SAMD4A: variants seen among roughly 807,000 people sequenced by gnomAD.
SAMD4A encodes the protein protein Smaug homolog 1.
Under a neutral mutation model 81.3 loss-of-function variants are expected in SAMD4A, and 33 were observed. That is an observed-to-expected ratio of 0.41 (90% CI 0.31 to 0.54). The LOEUF (loss-of-function observed/expected upper bound fraction) is 0.54, where lower values mean the gene tolerates loss of function less well. Among genes scored for constraint, SAMD4A ranks in the 20% least tolerant of loss-of-function variants. The pLI is 0.37. For synonymous variants in SAMD4A, 389 were observed against 382.1 expected (o/e 1.02, Z -0.21); for missense variants, 854 against 951.1 (o/e 0.90, Z 1.34).
intron 2 of SAMD4A, among the ~76,000 whole-genome samples, chr14:54,673,017 G>A (rs1195370628): frequency 6.6e-6 from 1 of 152,212 alleles, no homozygotes; most frequent in Non-Finnish European, 1.5e-5. Flanking sequence ...ACCCTTTCTC[G>A]AAGGTTACCT....
At chr14:54,602,126 A>G (rs970725713) in intron 2 of SAMD4A, among the ~76,000 whole-genome samples, 1 of 152,142 alleles carries the variant, frequency 6.6e-6, no homozygotes, top group Non-Finnish European at 1.5e-5. Context: ...TAGAAGAGGA[A>G]TGTGGGACTG....
rs3051648 is a variant in SAMD4A at position 54,739,055 on chromosome 14, C to CTTTTTTTTTTTTTTTTTTTTTT, written c.979+1787_979+1788insTTTTTTTTTTTTTTTTTTTTTT. Among the ~76,000 whole-genome samples the CTTTTTTTTTTTTTTTTTTTTTT allele has an allele frequency of 1.1e-4, 11 of 97,352 alleles. 1 individual carries two copies. The highest frequency in any genetic ancestry group is 4.8e-4 in the African/African-American group (10 of 20,660). The allele number at this position is 97,352 out of a possible 152,430, so 63.9% of individuals were successfully genotyped here. ...TACTTTGTTTTCTTTCTTTCCTTTT[C>CTTTTTTTTTTTTTTTTTTTTTT]TTTTTTTTTTTTTTTTTTTGAGGCC... is the stretch of plus-strand genomic sequence containing the variant. On this transcript the variant is annotated intron_variant, in intron 4 of 12. Coordinates refer to ENST00000554335, the MANE Select transcript of SAMD4A (RefSeq NM_015589.6).
intron 2 of SAMD4A, among the ~76,000 whole-genome samples, chr14:54,640,083 A>G (rs1159782447): frequency 1.3e-5 from 2 of 151,978 alleles, no homozygotes. Context: ...CACCATCTGC[A>G]AGTCTGTTAC....
intron 9 of SAMD4A, among the ~76,000 whole-genome samples, chr14:54,772,901 A>C (rs890153442): frequency 1.3e-5 from 2 of 152,002 alleles, no homozygotes; most frequent in Non-Finnish European, 2.9e-5. Flanking sequence ...AGGTCTCATC[A>C]TGTGAAACTT....
intron 2 of SAMD4A, among the ~76,000 whole-genome samples, chr14:54,639,686 G>GATTTCAACATGGC (rs946018155): frequency 3.3e-5 from 5 of 152,104 alleles, no homozygotes; most frequent in African/African-American, 9.7e-5. Context: ...TTTGCTTTGG[G>GATTTCAACATGGC]ATTTCAAACA....
intron 2 of SAMD4A, among the ~76,000 whole-genome samples, chr14:54,656,300 C>T (rs2035520087): frequency 6.6e-6 from 1 of 152,086 alleles, no homozygotes; most frequent in Non-Finnish European, 1.5e-5. Context: ...TTGACTATTC[C>T]TTGTTGACAT....
rs765537014 is a variant in SAMD4A at position 54,702,148 on chromosome 14, C to T, written c.283C>T (p.Leu95Phe). ...TCTGCCTTTGCTGAAGCCAGGAAAC[C>T]TCGACGCGAAAGTAGAATATATGAA... ...THLPLLKPGN[L>F]DAKVEYMKLL... The change falls in exon 3 of 13, where the codon CTC becomes TTC. Residue 95 changes from leucine to phenylalanine, a missense_variant. By Grantham distance (22) the Leu-to-Phe change is conservative (BLOSUM62 0). Around this residue, in one of 3 missense-constraint regions of SAMD4A, gnomAD observed 387 missense variants for 405.8 expected, o/e 0.95. Transcript: ENST00000554335. 1.1e-5 allele frequency: 18 copies of T among 1,614,014 alleles called. No individual in the cohort carries two copies. Among genetic ancestry groups the T allele is most frequent in the Non-Finnish European group, 1.4e-5 (17 of 1,180,012 alleles).
intron 7 of SAMD4A, among the ~76,000 whole-genome samples, chr14:54,763,033 T>C (rs2038444538): frequency 6.6e-6 from 1 of 151,840 alleles, no homozygotes; most frequent in Non-Finnish European, 1.5e-5. Flanking sequence ...TTTTTGTATT[T>C]TTTAGTAGAG....
chr14:54,736,109 G>A (rs1235569030), intron 3 of SAMD4A, among the ~76,000 whole-genome samples: 3 of 152,070 alleles, frequency 2.0e-5, no homozygotes, highest in South Asian at 2.1e-4. Context: ...GGGTAACATC[G>A]GCTCCTTCAG....
chr14:54,675,484 T>C (rs1457311750), intron 2 of SAMD4A, among the ~76,000 whole-genome samples: 1 of 151,924 alleles, frequency 6.6e-6, no homozygotes, highest in Admixed American at 6.6e-5. Context: ...TTTAAACTTA[T>C]TCCTTAGCTA....
chr14:54,647,885 G>A (rs540142758), intron 2 of SAMD4A, among the ~76,000 whole-genome samples: 1 of 152,366 alleles, frequency 6.6e-6, no homozygotes, highest in South Asian at 2.1e-4. Flanking sequence ...CCCTACAGCT[G>A]CGCTGTTGAT....
In SAMD4A at chr14:54,774,990, T is replaced by C. The variant is rs770516197; in HGVS notation, c.1772T>C (p.Met591Thr). The C allele has an allele frequency of 6.2e-7, 1 of 1,614,166 alleles. No homozygotes were observed. The highest frequency in any genetic ancestry group is 8.5e-7 in the Non-Finnish European group (1 of 1,180,022). The change falls in exon 10 of 13, where the codon ATG becomes ACG. Residue 591 changes from methionine to threonine, a missense_variant. This residue lies in a region of SAMD4A where 428 missense variants were observed against 471.2 expected (regional missense o/e 0.91). Coordinates refer to ENST00000554335, the MANE Select transcript of SAMD4A (RefSeq NM_015589.6). ...ACGGCTGGCTCTGTGGGCGGTGGCA[T>C]GGGCAGACGGAACCCGCGCCAGTAC... ...LPTAGSVGGGMGRRNPRQYQI... is the reference protein window; with the variant it reads ...LPTAGSVGGGTGRRNPRQYQI...
chr14:54,706,115 A>G lies in SAMD4A; in HGVS notation c.715+3535A>G, dbSNP rs138637085. Among the ~76,000 whole-genome samples, 961 of 152,178 alleles carry G rather than the reference A, an allele frequency of 6.3e-3. 8 individuals carry two copies. Among genetic ancestry groups the G allele is most frequent in the African/African-American group, 0.022 (909 of 41,526 alleles). On this transcript the variant is annotated intron_variant, in intron 3 of 12. Transcript: ENST00000554335. The stretch of plus-strand genomic sequence containing the variant: ...GTAATCCCAACACTTTGGGAGGCCA[A>G]CGTGGGAGGATTGCTTGAGGCCAGA...
chr14:54,648,738 A>T (rs956718224), intron 2 of SAMD4A, among the ~76,000 whole-genome samples: 4 of 152,112 alleles, frequency 2.6e-5, no homozygotes, highest in Non-Finnish European at 5.9e-5. Context: ...ACTTTGGGTT[A>T]TGTTCTAGAT....
At position 54,792,758 on chromosome 14, in the gene SAMD4A, T is replaced by C. The variant is rs1470900419; in HGVS notation, c.*3814T>C. 1 of 152,210 alleles carries C rather than the reference T, an allele frequency of 6.6e-6. No homozygotes were observed. Among genetic ancestry groups the C allele is most frequent in the African/African-American group, 2.4e-5 (1 of 41,452 alleles). The allele number at this position is 152,210 out of a possible 1,614,324, so 9.4% of individuals were successfully genotyped here. The stretch of plus-strand genomic sequence containing the variant: ...GATGTTTGCAAAGTGAGTTTTATTT[T>C]TTTGTAATTCCTTTATCTTTACTTA... On this transcript the variant is annotated 3_prime_UTR_variant, in exon 13 of 13. Transcript: ENST00000554335.
intron 12 of SAMD4A, among the ~76,000 whole-genome samples, chr14:54,785,638 C>T (rs2039121811): frequency 1.3e-5 from 2 of 152,226 alleles, no homozygotes; most frequent in African/African-American, 4.8e-5. Flanking sequence ...ACGTGCGCCA[C>T]CTGGCAGTGG....
At chr14:54,755,334 CAG>C (rs747065694) in intron 6 of SAMD4A, among the ~76,000 whole-genome samples, 76 of 152,236 alleles carry the variant, frequency 5.0e-4, no homozygotes, top group Admixed American at 2.0e-4. Flanking sequence ...AATGGCAAGT[CAG>C]TGGCCGGAAG....
intron 8 of SAMD4A, among the ~76,000 whole-genome samples, chr14:54,766,046 T>G (rs1056185491): frequency 3.3e-5 from 5 of 152,296 alleles, no homozygotes; most frequent in African/African-American, 1.2e-4. Context: ...AATGTTTAAC[T>G]ATACCAAAGT....
intron 2 of SAMD4A, among the ~76,000 whole-genome samples, chr14:54,607,185 A>T (rs565005705): frequency 1.4e-4 from 22 of 152,336 alleles, no homozygotes; most frequent in South Asian, 8.3e-4. Context: ...ATTCCCATGG[A>T]GGGAGGGCGT....
Sources: allele counts gnomAD v4.1 joint callset (sites outside exome capture counted in the v4.1 genomes callset), GRCh38; gene constraint gnomAD v4.1.1; regional missense constraint gnomAD v4.1.1; transcripts MANE v1.5; gene names NCBI Gene and HGNC (gene_info 2026-07-23, HGNC 2026-07-21).